The following CHRM3 variants were observed in gnomAD, a reference collection of about 807,000 sequenced individuals.
CHRM3 encodes the protein muscarinic acetylcholine receptor M3.
Under a neutral mutation model 41.8 loss-of-function variants are expected in CHRM3, and 11 were observed. The ratio of observed to expected loss-of-function variants is 0.26; its 90% CI spans 0.17 to 0.44. The LOEUF (loss-of-function observed/expected upper bound fraction) is 0.44. Among genes scored for constraint, CHRM3 ranks in the 20% least tolerant of loss-of-function variants. The pLI is 1.00. For synonymous variants in CHRM3, 297 were observed against 301.4 expected, an observed-to-expected ratio of 0.99 and a Z score of 0.15; for missense variants, 571 against 745.4, an observed-to-expected ratio of 0.77 and a Z score of 2.72.
chr1:239,754,984 T>G (rs1666125192), intron 5 of CHRM3, among the ~76,000 whole-genome samples: 1 of 152,198 alleles, frequency 6.6e-6, no homozygotes, highest in Admixed American at 6.5e-5. Flanking sequence ...CTATCTTGTC[T>G]TAAAAGAATT....
At chr1:239,866,832 G>A (rs1676152226) in intron 6 of CHRM3, among the ~76,000 whole-genome samples, 2 of 152,128 alleles carry the variant, frequency 1.3e-5, no homozygotes, top group African/African-American at 4.8e-5. Context: ...TTATGCACCT[G>A]GGATTACTAA....
At chr1:239,808,612 A>G (rs182311201) in intron 5 of CHRM3, among the ~76,000 whole-genome samples, 2 of 152,294 alleles carry the variant, frequency 1.3e-5, no homozygotes, top group African/African-American at 2.4e-5. Context: ...GATTGGACCA[A>G]TTCTTCGTGA....
intron 1 of CHRM3, among the ~76,000 whole-genome samples, chr1:239,490,061 G>T (rs1455546505): frequency 6.6e-6 from 1 of 152,118 alleles, no homozygotes; most frequent in Non-Finnish European, 1.5e-5. Context: ...TAATTGTATC[G>T]TAGGGTAGTT....
intron 6 of CHRM3, among the ~76,000 whole-genome samples, chr1:239,891,797 T>C (rs558785958): frequency 6.6e-6 from 1 of 152,256 alleles, no homozygotes; most frequent in Non-Finnish European, 1.5e-5. Context: ...CCATGGCAGA[T>C]GGTCTCTTAT....
chr1:239,900,603 G>T (rs952417473), intron 6 of CHRM3, among the ~76,000 whole-genome samples: 9 of 151,878 alleles, frequency 5.9e-5, no homozygotes, highest in African/African-American at 4.8e-5. Flanking sequence ...ATAAAGCTGG[G>T]TACAGCCTTG....
intron 3 of CHRM3, among the ~76,000 whole-genome samples, chr1:239,551,050 C>T (rs796708649): frequency 2.3e-4 from 35 of 149,162 alleles, no homozygotes; most frequent in African/African-American, 7.6e-4. Flanking sequence ...CACGTACATG[C>T]TATATAATTT....
intron 5 of CHRM3, among the ~76,000 whole-genome samples, chr1:239,692,751 A>C (rs568821804): frequency 2.0e-5 from 3 of 152,316 alleles, no homozygotes; most frequent in Admixed American, 1.3e-4. Context: ...AAGGAAAAAA[A>C]CAGACAGCAA....
chr1:239,534,789 A>T (rs1350531680), intron 2 of CHRM3, among the ~76,000 whole-genome samples: 1 of 152,242 alleles, frequency 6.6e-6, no homozygotes, highest in Non-Finnish European at 1.5e-5. Context: ...CTTGGTTCAC[A>T]TAAGACCATC....
intron 1 of CHRM3, among the ~76,000 whole-genome samples, chr1:239,452,804 C>A (rs1664647668): frequency 6.6e-6 from 1 of 151,902 alleles, no homozygotes; most frequent in South Asian, 2.1e-4. Context: ...ATTTTATTTT[C>A]TTATTATTTT....
intron 4 of CHRM3, among the ~76,000 whole-genome samples, chr1:239,634,214 A>G (rs1670188021): frequency 6.6e-6 from 1 of 152,144 alleles, no homozygotes; most frequent in South Asian, 2.1e-4. Context: ...GTCAGGGGAC[A>G]TTGTCAGCTC....
chr1:239,459,767 G>T (rs1281309244), intron 1 of CHRM3, among the ~76,000 whole-genome samples: 1 of 152,106 alleles, frequency 6.6e-6, no homozygotes, highest in Non-Finnish European at 1.5e-5. Flanking sequence ...TTAGTGGTGA[G>T]AGAGCTTTTG....
At chr1:239,608,982 T>C (rs1323652436) in intron 3 of CHRM3, among the ~76,000 whole-genome samples, 1 of 152,226 alleles carries the variant, frequency 6.6e-6, no homozygotes, top group Non-Finnish European at 1.5e-5. Context: ...TACTAAGACA[T>C]AATTGATATA....
chr1:239,394,914 C>A (rs1659349746), intron 1 of CHRM3, among the ~76,000 whole-genome samples: 1 of 152,130 alleles, frequency 6.6e-6, no homozygotes. Context: ...CACCGAACAG[C>A]AATCACACTC....
intron 3 of CHRM3, among the ~76,000 whole-genome samples, chr1:239,575,796 TAAA>T (rs143075916): frequency 1.3e-5 from 2 of 148,702 alleles, no homozygotes; most frequent in African/African-American, 4.9e-5. Context: ...TATATAATGG[TAAA>T]AAAAAAACAC....
At position 239,827,378 on chromosome 1, in the gene CHRM3, T is replaced by C. The variant is rs1412170384; in HGVS notation, c.-20T>C. Reference sequence around the variant, plus strand: ...TTACATAACTCAGTTCCTGGTAGATTGTAAGTACACAGAAGGCATTTTTTT... The same window carrying C: ...TTACATAACTCAGTTCCTGGTAGATCGTAAGTACACAGAAGGCATTTTTTT... On this transcript the variant is annotated splice_region_variant and 5_prime_UTR_variant, in exon 6 of 7. Transcript: ENST00000676153. The C allele has an allele frequency of 6.6e-6, 1 of 152,210 alleles. No homozygotes were observed. Among genetic ancestry groups the C allele is most frequent in the Non-Finnish European group, 1.5e-5 (1 of 68,038 alleles). The allele number at this position is 152,210 out of a possible 1,614,324, so 9.4% of individuals were successfully genotyped here.
chr1:239,442,451 C>T (rs919219472), intron 1 of CHRM3, among the ~76,000 whole-genome samples: 18 of 145,790 alleles, frequency 1.2e-4, no homozygotes, highest in African/African-American at 3.0e-4. Context: ...AGAGAAAACC[C>T]TTTTTTTTTT....
At chr1:239,714,521 A>C (rs921303914) in intron 5 of CHRM3, among the ~76,000 whole-genome samples, 1 of 152,154 alleles carries the variant, frequency 6.6e-6, no homozygotes, top group Non-Finnish European at 1.5e-5. Context: ...GCTTGTGCCA[A>C]GGCCCTGCGG....
chr1:239,816,439 A>G (rs1168003216), intron 5 of CHRM3, among the ~76,000 whole-genome samples: 1 of 152,066 alleles, frequency 6.6e-6, no homozygotes, highest in African/African-American at 2.4e-5. Flanking sequence ...CAGAGCATCT[A>G]TATGTAAGAT....
chr1:239,713,197 C>T (rs902320109), intron 5 of CHRM3, among the ~76,000 whole-genome samples: 8 of 152,098 alleles, frequency 5.3e-5, no homozygotes, highest in African/African-American at 1.2e-4. Flanking sequence ...AAGTGAATTC[C>T]GAATTGGAAG....
Sources: allele counts gnomAD v4.1 joint callset (sites outside exome capture counted in the v4.1 genomes callset), GRCh38; gene constraint gnomAD v4.1.1; transcripts MANE v1.5; gene names NCBI Gene and HGNC (gene_info 2026-07-23, HGNC 2026-07-21).